Variants in PCDHGA4 observed in about 807,000 individuals in gnomAD.
PCDHGA4 encodes protocadherin gamma-A4.
A neutral mutation model predicts 54.6 loss-of-function variants in PCDHGA4; 38 were observed. That is an observed-to-expected ratio of 0.70 (90% confidence interval 0.54 to 0.91). PCDHGA4 has a LOEUF of 0.91. PCDHGA4 is among the 40% of genes least tolerant of loss of function. PCDHGA4 has a pLI of 0.00. For synonymous variants in PCDHGA4, 511 were observed against 512.9 expected (o/e 1.00, Z 0.05); for missense variants, 1,298 against 1,220.9 (o/e 1.06, Z -0.94).
At chr5:141,503,099 C>T (rs1286557930) in intron 2 of PCDHGA4, among the ~76,000 whole-genome samples, 1 of 151,884 alleles carries the variant, frequency 6.6e-6, no homozygotes, top group Non-Finnish European at 1.5e-5. Context: ...GTGGTCTGCC[C>T]GCCCCTGCCT....
chr5:141,385,097 C>T (rs1296944219), intron 1 of PCDHGA4: 3 of 1,614,192 alleles, frequency 1.9e-6, no homozygotes, highest in East Asian at 2.2e-5. Context: ...GGTGGCTTGG[C>T]GAACGTGCCC....
intron 1 of PCDHGA4, chr5:141,360,695 A>G (rs772748568): frequency 3.1e-6 from 5 of 1,613,988 alleles, no homozygotes; most frequent in Non-Finnish European, 3.4e-6. Flanking sequence ...CAGACTCCAG[A>G]TGGTCGTAAA....
chr5:141,451,532 G>T (rs1168984212), intron 1 of PCDHGA4, among the ~76,000 whole-genome samples: 1 of 152,180 alleles, frequency 6.6e-6, no homozygotes, highest in African/African-American at 2.4e-5. Flanking sequence ...AAAGGAGAGT[G>T]CCAGAGAGGG....
rs1594951324 is a variant in PCDHGA4, at chr5:141,490,871, T to G, written c.2515-3936T>G. 6.2e-7 allele frequency: 1 copy of G among 1,613,918 alleles called. No individual in the cohort carries two copies. The highest frequency in any genetic ancestry group is 8.5e-7 in the Non-Finnish European group (1 of 1,179,944). On this transcript the variant is annotated intron_variant, in intron 1 of 3. Coordinates refer to ENST00000571252, the MANE Select transcript of PCDHGA4 (RefSeq NM_018917.4). This position sits in a 1 kb window ranked among gnomAD's most constrained non-coding sequence, Gnocchi z 5.4. ...GTTCGAGACTCCGGCTCTCCCCCAT[T>G]GCATGCCAACACATCTCTGCATGTG...
In PCDHGA4 at chr5:141,477,294, C is replaced by T. The variant is rs753131175; in HGVS notation, c.2515-17513C>T. ...GGGCTGGTGACCTGCGAAGTTCCAC[C>T]GGGTCTCCCTTTCAGCCTTACTTCT... is the stretch of plus-strand genomic sequence containing the variant. On this transcript the variant is annotated intron_variant, in intron 1 of 3. Transcript: ENST00000571252. The surrounding 1 kb of genome is among the most constrained non-coding windows in gnomAD (Gnocchi z 4.9). 4.3e-6 allele frequency: 7 copies of T among 1,614,142 alleles called. No individual in the cohort carries two copies. Among genetic ancestry groups the T allele is most frequent in the East Asian group, 4.5e-5 (2 of 44,872 alleles).
rs746408347 is a variant in PCDHGA4 at position 141,486,293 on chromosome 5, G to A, written c.2515-8514G>A. ...TGGCACTGTGGTGGCACTTATCAGT[G>A]TGCAGGATCCAGACTCAGGGTCAAA... On this transcript the variant is annotated intron_variant, in intron 1 of 3. Transcript: ENST00000571252. This position sits in a 1 kb window ranked among gnomAD's most constrained non-coding sequence, Gnocchi z 5.0. The A allele has an allele frequency of 3.1e-6, 5 of 1,614,018 alleles. No homozygotes were observed. In the Admixed American group the frequency reaches 8.3e-5, roughly 27 times the overall value.
At chr5:141,443,845 A>C (rs923351698) in intron 1 of PCDHGA4, among the ~76,000 whole-genome samples, 19 of 152,224 alleles carry the variant, frequency 1.2e-4, no homozygotes, top group Admixed American at 5.9e-4. Context: ...GGTAATATGG[A>C]AAGTCTGAAA....
At chr5:141,380,998 A>G (rs1382906356) in intron 1 of PCDHGA4, among the ~76,000 whole-genome samples, 1 of 152,262 alleles carries the variant, frequency 6.6e-6, no homozygotes, top group East Asian at 1.9e-4. Context: ...CAGTTTACAG[A>G]ATTCATCTAT....
chr5:141,492,050 C>CT, intron 1 of PCDHGA4: 1 of 501,102 alleles, frequency 2.0e-6, no homozygotes, highest in Non-Finnish European at 3.5e-6. Flanking sequence ...AGATCCACCC[C>CT]TGCAGCCAGC....
intron 1 of PCDHGA4, chr5:141,403,068 C>G (rs1178674622): frequency 6.2e-7 from 1 of 1,614,064 alleles, no homozygotes; most frequent in Admixed American, 1.7e-5. Context: ...CCTGAAGAGA[C>G]AGAAAAGGGC....
chr5:141,505,322 G>A, intron 2 of PCDHGA4, 71 bp from the exon 3 acceptor site: 1 of 1,606,332 alleles, frequency 6.2e-7, no homozygotes, highest in African/African-American at 1.3e-5. Context: ...TGGGAGCCCT[G>A]GGAGAGGACA....
chr5:141,361,816 C>A, intron 1 of PCDHGA4: 2 of 1,613,084 alleles, frequency 1.2e-6, no homozygotes, highest in East Asian at 2.2e-5. Flanking sequence ...CAATGCGCCA[C>A]GGGTGCTGTA....
chr5:141,478,489 C>T (rs779457709), intron 1 of PCDHGA4: 99 of 1,613,162 alleles, frequency 6.1e-5, no homozygotes, highest in Non-Finnish European at 8.1e-5. Context: ...CGCTGCGGAG[C>T]TGTGATCCGG....
At chr5:141,370,663 T>C (rs1319897209) in intron 1 of PCDHGA4, 1 of 1,613,900 alleles carries the variant, frequency 6.2e-7, no homozygotes, top group East Asian at 2.2e-5. Flanking sequence ...AGCGACCGTA[T>C]AGACCGAGAG....
chr5:141,491,795 C>G lies in PCDHGA4; in HGVS notation c.2515-3012C>G. The G allele has an allele frequency of 6.6e-7, 1 of 1,511,694 alleles. No individual in the cohort carries two copies. The highest frequency in any genetic ancestry group is 8.8e-7 in the Non-Finnish European group (1 of 1,130,430). The allele number at this position is 1,511,694 out of a possible 1,614,324, so 93.6% of individuals were successfully genotyped here. On this transcript the variant is annotated intron_variant, in intron 1 of 3. Transcript: ENST00000571252. The surrounding 1 kb of genome is among the most constrained non-coding windows in gnomAD (Gnocchi z 6.9). ...GGATTGAACTTGCATCCACTCCTCT[C>G]CGGCCGGCTTGGTCGCTGGCTGCGC...
At chr5:141,365,821 G>T (rs756787528) in intron 1 of PCDHGA4, 1 of 1,613,908 alleles carries the variant, frequency 6.2e-7, no homozygotes, top group East Asian at 2.2e-5. Flanking sequence ...ACACATTTCA[G>T]GGGGCGCCCT....
chr5:141,439,056 T>C (rs2098084461), intron 1 of PCDHGA4, among the ~76,000 whole-genome samples: 1 of 151,260 alleles, frequency 6.6e-6, no homozygotes, highest in Non-Finnish European at 1.5e-5. Flanking sequence ...TTCCATATTG[T>C]GTGGCAGGCG....
intron 1 of PCDHGA4, chr5:141,364,447 G>A: frequency 6.2e-7 from 1 of 1,613,954 alleles, no homozygotes; most frequent in Non-Finnish European, 8.5e-7. Context: ...CGGAGGAGCT[G>A]GACAAAGGCT....
rs1411664231 is a variant in PCDHGA4 at position 141,390,362 on chromosome 5, GA to G, written c.2514+32745del. 3.9e-6 allele frequency: 6 copies of G among 1,532,890 alleles called. No individual in the cohort carries two copies. In the African/African-American group the frequency reaches 8.3e-5, roughly 21 times the overall value. 95.0% of individuals were successfully genotyped at this position (1,532,890 alleles called of 1,614,324 possible). ...CACAAGAAAATATACATATTTGCAG[GA>G]AAATATATAATTTTTAGATGTCATG... On this transcript the variant is annotated intron_variant, in intron 1 of 3. Coordinates refer to ENST00000571252, the MANE Select transcript of PCDHGA4 (RefSeq NM_018917.4).
Sources: allele counts gnomAD v4.1 joint callset (sites outside exome capture counted in the v4.1 genomes callset), GRCh38; gene constraint gnomAD v4.1.1; non-coding constraint Gnocchi (gnomAD v3.1); transcripts MANE v1.5; gene names NCBI Gene and HGNC (gene_info 2026-07-23, HGNC 2026-07-21).